Variants in AHRR observed in about 807,000 individuals in gnomAD.
AHRR encodes the protein ahR repressor.
A neutral mutation model predicts 44.0 loss-of-function variants in AHRR; 28 were observed. That is an observed-to-expected ratio of 0.64 (90% CI 0.47 to 0.87). The LOEUF (loss-of-function observed/expected upper bound fraction) is 0.87, where lower values mean the gene tolerates loss of function less well. Ranked by LOEUF, AHRR falls within the 40% of genes least tolerant of loss-of-function variation. The pLI is 0.00. For synonymous variants in AHRR, 434 were observed against 407.0 expected (o/e 1.07, Z -0.80); for missense variants, 990 against 953.9 (o/e 1.04, Z -0.50).
intron 3 of AHRR, among the ~76,000 whole-genome samples, chr5:359,401 C>A (rs189407272): frequency 0.012 from 1,300 of 111,170 alleles, 54 homozygotes; most frequent in African/African-American, 0.035. Flanking sequence ...GAGTGGAGGC[C>A]GTCAGTCACG....
chr5:383,611 G>C lies in AHRR; in HGVS notation c.351+6895G>C, dbSNP rs1734066801. ...AGGGTCTTGCTCTGTCACCCAGGCT[G>C]AAGTGCAGCAATGTGATCATAGCTC... On this transcript the variant is annotated intron_variant, in intron 4 of 10. Coordinates refer to ENST00000684583, the MANE Select transcript of AHRR (RefSeq NM_001377236.1). The surrounding 1 kb of genome is among the most constrained non-coding windows in gnomAD (Gnocchi z 4.0). Among the ~76,000 whole-genome samples, 3 of 151,224 alleles carry C rather than the reference G, an allele frequency of 2.0e-5. No homozygotes were observed. The South Asian group carries it at 6.3e-4, about 32-fold the overall frequency.
intron 3 of AHRR, among the ~76,000 whole-genome samples, chr5:366,065 C>G (rs1195299656): frequency 6.6e-6 from 1 of 151,872 alleles, no homozygotes; most frequent in African/African-American, 2.4e-5. Flanking sequence ...CCTTCCCCCC[C>G]CACCCCCTGC....
intron 3 of AHRR, among the ~76,000 whole-genome samples, chr5:354,876 G>A (rs1199798459): frequency 2.6e-5 from 4 of 152,174 alleles, no homozygotes; most frequent in African/African-American, 4.8e-5. Flanking sequence ...CACCCCCAGG[G>A]AAGGACGTGG....
At chr5:396,916 C>G (rs1301104978) in intron 4 of AHRR, among the ~76,000 whole-genome samples, 5 of 151,904 alleles carry the variant, frequency 3.3e-5, no homozygotes, top group African/African-American at 1.2e-4. Flanking sequence ...CTGCAGGTGT[C>G]TGGGGCCCAC....
intron 4 of AHRR, among the ~76,000 whole-genome samples, chr5:398,466 G>C (rs889474087): frequency 6.6e-6 from 1 of 152,234 alleles, no homozygotes; most frequent in African/African-American, 2.4e-5. Flanking sequence ...CTGACCATCT[G>C]TGGTCACTGA....
At chr5:403,993 G>T in intron 4 of AHRR, 1 of 1,090,544 alleles carries the variant, frequency 9.2e-7, no homozygotes, top group Non-Finnish European at 1.4e-6. Flanking sequence ...TTTCTTTACA[G>T]TAATTCGAAC....
In AHRR at chr5:432,482, CTG is replaced by C. The variant is rs1317257082; in HGVS notation, c.931_932del (p.Cys311ArgfsTer29). The C allele has an allele frequency of 2.5e-6, 4 of 1,614,196 alleles. No homozygotes were observed. The highest frequency in any genetic ancestry group is 3.4e-6 in the Non-Finnish European group (4 of 1,180,022). On this transcript the variant is annotated frameshift_variant, in exon 9 of 11. Transcript: ENST00000684583. ...TCACAGAGTAAAAGCCACCACCAGT[CTG>C]TGCGAATCGGAACTGCATGGAAAAC... ...ADAKVKATTS[L>X]CESELHGKPN...
chr5:414,493 T>C (rs1300916551), intron 5 of AHRR, among the ~76,000 whole-genome samples: 3 of 152,018 alleles, frequency 2.0e-5, no homozygotes, highest in African/African-American at 7.3e-5. Context: ...GGGCCCTTTA[T>C]CTGCACTTCC....
intron 8 of AHRR, chr5:431,981 G>C (rs892979512): frequency 6.4e-6 from 1 of 156,704 alleles, no homozygotes; most frequent in African/African-American, 2.4e-5. Context: ...AAAAGCAAAA[G>C]AAAATAGAAT....
chr5:335,778 A>G (rs1279554331), intron 1 of AHRR, among the ~76,000 whole-genome samples: 1 of 152,216 alleles, frequency 6.6e-6, no homozygotes, highest in Admixed American at 6.5e-5. Flanking sequence ...AAGCTGATCC[A>G]TCAGCCTTGG....
At chr5:375,907 G>C (rs1733598750) in intron 3 of AHRR, among the ~76,000 whole-genome samples, 1 of 152,222 alleles carries the variant, frequency 6.6e-6, no homozygotes, top group African/African-American at 2.4e-5. Flanking sequence ...ACCCAAAAAT[G>C]GAGAATGCAC....
chr5:413,313 A>ATT (rs3215229), intron 4 of AHRR, 31 bp from the exon 5 acceptor site: 38 of 1,326,296 alleles, frequency 2.9e-5, no homozygotes, highest in South Asian at 2.4e-4. Flanking sequence ...AGCCAATTCG[A>ATT]TTTTTTTTTT....
intron 1 of AHRR, among the ~76,000 whole-genome samples, chr5:335,601 G>A (rs992514317): frequency 6.6e-6 from 1 of 152,228 alleles, no homozygotes; most frequent in Non-Finnish European, 1.5e-5. Context: ...GTGCCACTGG[G>A]TGATTTTCAG....
chr5:344,342 C>G (rs1232630369), intron 2 of AHRR, among the ~76,000 whole-genome samples: 1 of 149,372 alleles, frequency 6.7e-6, no homozygotes, highest in South Asian at 2.1e-4. Flanking sequence ...GGGTGTGGCA[C>G]GGCCGGGTGT....
At chr5:396,529 C>G (rs1034856524) in intron 4 of AHRR, among the ~76,000 whole-genome samples, 1 of 152,222 alleles carries the variant, frequency 6.6e-6, no homozygotes, top group Non-Finnish European at 1.5e-5. Flanking sequence ...CACACTTGGC[C>G]TCATCTCCTG....
At chr5:403,660 C>A (rs1735127203) in intron 4 of AHRR, 8 of 562,250 alleles carry the variant, frequency 1.4e-5, no homozygotes, top group South Asian at 7.0e-5. Flanking sequence ...AAAAAGTAAC[C>A]ACTTTAAATA....
chr5:376,631 G>T lies in AHRR; in HGVS notation c.266G>T (p.Arg89Leu), dbSNP rs537154972. The T allele has an allele frequency of 8.0e-7, 1 of 1,255,024 alleles. No homozygotes were observed. Among genetic ancestry groups the T allele is most frequent in the South Asian group, 1.6e-5 (1 of 64,070 alleles). 77.7% of individuals were successfully genotyped at this position (1,255,024 alleles called of 1,614,324 possible). A position where few individuals can be genotyped will look rare whatever the true frequency, so the allele number is the denominator to read the frequency against. Residue 89 changes from arginine to leucine, a missense_variant, in exon 4 of 11, where the codon CGG becomes CTG. Coordinates refer to ENST00000684583, the MANE Select transcript of AHRR (RefSeq NM_001377236.1). ...FFQVVQEQSS[R>L]QPAAGAPSPG... ...ACAGTCGTGCAGGAGCAGAGCTCAC[G>T]GCAGCCTGCGGCCGGCGCCCCCTCG...
rs1257241575 is a variant in AHRR at position 395,795 on chromosome 5, G to A, written c.352-17549G>A. On this transcript the variant is annotated intron_variant, in intron 4 of 10. Coordinates refer to ENST00000684583, the MANE Select transcript of AHRR (RefSeq NM_001377236.1). The surrounding 1 kb of genome is among the most constrained non-coding windows in gnomAD (Gnocchi z 5.3). ...AGGCCTAGAAGCCCTCCCAGCTGGG[G>A]CTGCGCACACGTTCCTGTGAGGGAC... Among the ~76,000 whole-genome samples, 2 of 152,238 alleles carry A rather than the reference G, an allele frequency of 1.3e-5. No homozygotes were observed. The highest frequency in any genetic ancestry group is 4.8e-5 in the African/African-American group (2 of 41,468).
chr5:377,086 T>C (rs1733748254), intron 4 of AHRR, among the ~76,000 whole-genome samples: 1 of 152,178 alleles, frequency 6.6e-6, no homozygotes. Flanking sequence ...TGGCAAAGTC[T>C]ACACTGGGCT....
Sources: allele counts gnomAD v4.1 joint callset (sites outside exome capture counted in the v4.1 genomes callset), GRCh38; gene constraint gnomAD v4.1.1; non-coding constraint Gnocchi (gnomAD v3.1); transcripts MANE v1.5; gene names NCBI Gene and HGNC (gene_info 2026-07-23, HGNC 2026-07-21).